The following DNAL1 variants were observed in gnomAD, a reference collection of about 807,000 sequenced individuals.
DNAL1 encodes the protein chromosome 14 open reading frame 168.
DNAL1 carries 17 observed loss-of-function variants against 29.4 expected under a neutral mutation model. The ratio of observed to expected loss-of-function variants is 0.58; its 90% CI spans 0.40 to 0.87. The LOEUF (loss-of-function observed/expected upper bound fraction) is 0.87, where lower values mean the gene tolerates loss of function less well. Ranked by LOEUF, DNAL1 falls within the 40% of genes least tolerant of loss-of-function variation. DNAL1 has a pLI of 0.00. For synonymous variants in DNAL1, 78 were observed against 76.3 expected (o/e 1.02, Z -0.12); for missense variants, 188 against 214.1 (o/e 0.88, Z 0.76).
intron 6 of DNAL1, among the ~76,000 whole-genome samples, chr14:73,688,255 G>C (rs902651703): frequency 6.6e-6 from 1 of 152,092 alleles, no homozygotes; most frequent in Admixed American, 6.6e-5. Context: ...CATTATCCCT[G>C]CCCTCAAGAA....
At chr14:73,675,453 C>T (rs956392508) in intron 5 of DNAL1, among the ~76,000 whole-genome samples, 1 of 151,896 alleles carries the variant, frequency 6.6e-6, no homozygotes, top group Non-Finnish European at 1.5e-5. Flanking sequence ...GTGTGCACCA[C>T]CTTGCCCAGC....
At chr14:73,648,424 T>TGTATATTTG (rs1891032702) in intron 1 of DNAL1, among the ~76,000 whole-genome samples, 1 of 19,160 alleles carries the variant, frequency 5.2e-5, no homozygotes, top group African/African-American at 3.8e-4. Context: ...ATATTTGTTG[T>TGTATATTTG]TTGTTTGTTT....
intron 6 of DNAL1, among the ~76,000 whole-genome samples, chr14:73,687,833 G>A (rs1014406597): frequency 2.4e-4 from 36 of 152,172 alleles, no homozygotes; most frequent in African/African-American, 5.5e-4. Flanking sequence ...AGATCGCGCC[G>A]CTGCACTCCA....
rs774964160 is a variant in DNAL1 at position 73,658,885 on chromosome 14, G to C, written c.81G>C (p.Glu27Asp). 34 of 1,602,424 alleles carry C rather than the reference G, an allele frequency of 2.1e-5. No homozygotes were observed. The Admixed American group carries it at 5.6e-4, about 26-fold the overall frequency. ...GCCAGAGGCCATCTGAAGCCAAAGA[G>C]ATAAAACTTTATGCCCAGATTCCCC... ...KTGQRPSEAK[E>D]IKLYAQIPPI... The change falls in exon 3 of 8, where the codon GAG (glutamate) becomes GAC (aspartate). Residue 27 changes from glutamate to aspartate, a missense_variant. By Grantham distance (45) the Glu-to-Asp change is conservative. Coordinates refer to ENST00000553645, the MANE Select transcript of DNAL1 (RefSeq NM_031427.4).
At chr14:73,659,743 A>G (rs1891302776) in intron 3 of DNAL1, 1 of 152,088 alleles carries the variant, frequency 6.6e-6, no homozygotes, top group African/African-American at 2.4e-5. Context: ...TTCTTACTAC[A>G]TGCCTAAGAG....
At chr14:73,666,787 G>T (rs561320057) in intron 4 of DNAL1, among the ~76,000 whole-genome samples, 4 of 152,092 alleles carry the variant, frequency 2.6e-5, no homozygotes, top group Non-Finnish European at 5.9e-5. Context: ...ATGAATCAGC[G>T]TATTTTTTGA....
intron 5 of DNAL1, among the ~76,000 whole-genome samples, chr14:73,681,625 A>ATATATATATATATAT (rs1251529493): frequency 4.2e-5 from 2 of 47,192 alleles, no homozygotes; most frequent in South Asian, 6.0e-4. Flanking sequence ...AAAAAAAAAA[A>ATATATATATATATAT]AAAAAAAAAT....
intron 5 of DNAL1, among the ~76,000 whole-genome samples, chr14:73,676,166 C>T (rs1433864154): frequency 6.6e-6 from 1 of 150,774 alleles, no homozygotes; most frequent in African/African-American, 2.4e-5. Context: ...CCTGGGAGGC[C>T]GAGTTTGCAG....
rs1040350397 is a variant in DNAL1, at chr14:73,687,625, A to C, written c.391+240A>C. Among the ~76,000 whole-genome samples the C allele has an allele frequency of 2.0e-5, 3 of 152,226 alleles. No homozygotes were observed. The South Asian group carries it at 6.2e-4, about 32-fold the overall frequency. On this transcript the variant is annotated intron_variant, in intron 6 of 7. Transcript: ENST00000553645. ...CGGTGGCTCACGCCTGTAATCCCAG[A>C]ACTTTGGGAGGCCGAGGCGGGTGGA... is the stretch of plus-strand genomic sequence containing the variant.
chr14:73,695,383 C>T (rs1455591082), intron 7 of DNAL1, among the ~76,000 whole-genome samples: 9 of 151,626 alleles, frequency 5.9e-5, no homozygotes, highest in Non-Finnish European at 2.9e-5. Flanking sequence ...TGCGATTTGG[C>T]AGTTAGGGGG....
intron 1 of DNAL1, among the ~76,000 whole-genome samples, chr14:73,646,590 C>T (rs1011003356): frequency 2.0e-5 from 3 of 152,086 alleles, no homozygotes; most frequent in Admixed American, 6.6e-5. Context: ...GGTGAAACTC[C>T]GCCTCTACTA....
chr14:73,655,324 AT>A, intron 2 of DNAL1, among the ~76,000 whole-genome samples: 2 of 148,592 alleles, frequency 1.3e-5, no homozygotes, highest in Middle Eastern at 7.0e-3. Context: ...GTGTTAGTAC[AT>A]TTTCTTTTTC....
chr14:73,677,911 T>TGTGA (rs1891785108), intron 5 of DNAL1, among the ~76,000 whole-genome samples: 1 of 141,208 alleles, frequency 7.1e-6, no homozygotes, highest in Admixed American at 7.4e-5. Context: ...TGTGTGTGTG[T>TGTGA]GTGTGATGGT....
intron 1 of DNAL1, among the ~76,000 whole-genome samples, chr14:73,648,412 A>ATATATATATATATATATATATATATGTG (rs1303565444): frequency 6.2e-5 from 8 of 130,028 alleles, no homozygotes; most frequent in African/African-American, 2.4e-4. Flanking sequence ...TCATATATAT[A>ATATATATATATATATATATATATATGTG]TATATTTGTT....
chr14:73,654,706 C>A, intron 1 of DNAL1, 141 bp from the exon 2 acceptor site: 1 of 671,146 alleles, frequency 1.5e-6, no homozygotes, highest in Non-Finnish European at 2.3e-6. Flanking sequence ...TTGTGGTGAG[C>A]GGAAATCATG....
At chr14:73,676,014 GATAA>G (rs1891723495) in intron 5 of DNAL1, among the ~76,000 whole-genome samples, 2 of 150,744 alleles carry the variant, frequency 1.3e-5, no homozygotes, top group African/African-American at 2.4e-5. Context: ...ACTTTGTCTC[GATAA>G]ATAAATAAAT....
intron 5 of DNAL1, among the ~76,000 whole-genome samples, chr14:73,671,899 A>G (rs971184916): frequency 6.6e-6 from 1 of 152,224 alleles, no homozygotes; most frequent in African/African-American, 2.4e-5. Context: ...AGATGGAACA[A>G]TAACGTAAAA....
intron 1 of DNAL1, among the ~76,000 whole-genome samples, chr14:73,649,846 G>A (rs377028073): frequency 4.9e-4 from 74 of 152,242 alleles, no homozygotes; most frequent in African/African-American, 1.6e-3. Flanking sequence ...GGACATTCAA[G>A]TCCCTTACAT....
At chr14:73,668,603 T>C (rs1396816875) in intron 4 of DNAL1, among the ~76,000 whole-genome samples, 3 of 152,270 alleles carry the variant, frequency 2.0e-5, no homozygotes, top group African/African-American at 7.2e-5. Flanking sequence ...GTCCTGTAGT[T>C]GTGATCAAGA....
Sources: gnomAD v4.1 joint callset for allele counts (sites outside exome capture counted in the v4.1 genomes callset) on GRCh38, gnomAD v4.1.1 for gene constraint, MANE v1.5 for transcripts, NCBI Gene and HGNC (gene_info 2026-07-23, HGNC 2026-07-21) for gene names.